SCAF8: variants seen among roughly 807,000 people sequenced by gnomAD.
SCAF8 encodes SR-related CTD associated factor 8.
In SCAF8, 23 loss-of-function variants were observed where a neutral mutation model predicts 140.5. The ratio of observed to expected loss-of-function variants is 0.16; its 90% CI spans 0.12 to 0.23. The LOEUF is 0.23. SCAF8 is among the 10% of genes least tolerant of loss of function. The pLI is 1.00. For missense variants in SCAF8, 1,397 were observed against 1,555.7 expected, an observed-to-expected ratio of 0.90 and a Z score of 1.72; for synonymous variants, 575 against 528.9, an observed-to-expected ratio of 1.09 and a Z score of -1.20.
At chr6:154,817,211 A>C (rs1029438014) in intron 13 of SCAF8, among the ~76,000 whole-genome samples, 1 of 152,206 alleles carries the variant, frequency 6.6e-6, no homozygotes, top group Non-Finnish European at 1.5e-5. Flanking sequence ...GATGTCTTCA[A>C]ATTTTTAGCA....
intron 3 of SCAF8, among the ~76,000 whole-genome samples, chr6:154,778,472 T>C (rs1425497409): frequency 6.6e-6 from 1 of 152,188 alleles, no homozygotes; most frequent in African/African-American, 2.4e-5. Context: ...ATTTAAAATA[T>C]AGTATTGATA....
intron 1 of SCAF8, among the ~76,000 whole-genome samples, chr6:154,742,953 A>ATT (rs35031480): frequency 6.6e-6 from 1 of 151,646 alleles, no homozygotes; most frequent in African/African-American, 2.4e-5. Context: ...CGGCCTAGGG[A>ATT]TTTTTTTTTC....
At chr6:154,778,506 T>A (rs1583026167) in intron 3 of SCAF8, among the ~76,000 whole-genome samples, 1 of 152,198 alleles carries the variant, frequency 6.6e-6, no homozygotes, top group Non-Finnish European at 1.5e-5. Context: ...GGCCCACACC[T>A]GTAATCCCAG....
intron 1 of SCAF8, among the ~76,000 whole-genome samples, chr6:154,737,706 A>G (rs1453463565): frequency 6.6e-6 from 1 of 151,990 alleles, no homozygotes; most frequent in African/African-American, 2.4e-5. Flanking sequence ...AATCAGAAAA[A>G]TTGAGACAGG....
In SCAF8 at chr6:154,764,818, G is replaced by A. The variant is rs1385470233; in HGVS notation, c.31-9171G>A. ...TCATTCTTTTTCAGCGTTTTTCAGC[G>A]TAAAACCATGATTTTTTATCCTGGA... On this transcript the variant is annotated intron_variant, in intron 1 of 19. Coordinates refer to ENST00000367178, the MANE Select transcript of SCAF8 (RefSeq NM_014892.5). 2.6e-5 allele frequency among the ~76,000 whole-genome samples: 4 copies of A among 152,254 alleles called. No individual in the cohort carries two copies. The South Asian group carries it at 6.2e-4, about 24-fold the overall frequency.
chr6:154,739,337 G>C (rs1045202766), intron 1 of SCAF8, among the ~76,000 whole-genome samples: 2 of 151,996 alleles, frequency 1.3e-5, no homozygotes, highest in Admixed American at 6.6e-5. Context: ...AAAAACAAAC[G>C]TAGTTCCTTT....
In SCAF8 at chr6:154,792,956, C is replaced by T; in HGVS notation, c.455C>T (p.Thr152Ile). The change falls in exon 5 of 20, where the codon ACT becomes ATT. Residue 152 changes from threonine to isoleucine, a missense_variant. Physicochemically the swap from Thr to Ile is moderately conservative, Grantham distance 89 (BLOSUM62 -1). Transcript: ENST00000367178. ...ACACCTGTTTTGGCCAGCACTACCA[C>T]TGCTATGAGCAATACTCCAGGTATG... is the stretch of plus-strand genomic sequence containing the variant. ...VVTPVLASTT[T>I]AMSNTPGTPV... 6.2e-7 allele frequency: 1 copy of T among 1,613,130 alleles called. No individual in the cohort carries two copies. Among genetic ancestry groups the T allele is most frequent in the South Asian group, 1.1e-5 (1 of 90,868 alleles).
At chr6:154,824,960 T>TG (rs1356040966) in intron 17 of SCAF8, 1 of 143,554 alleles carries the variant, frequency 7.0e-6, no homozygotes, top group Non-Finnish European at 1.5e-5. Flanking sequence ...GAAAAAAAGG[T>TG]GAAAAAAAAA....
At chr6:154,800,691 A>C (rs1417418406) in intron 6 of SCAF8, among the ~76,000 whole-genome samples, 1 of 151,404 alleles carries the variant, frequency 6.6e-6, no homozygotes, top group African/African-American at 2.4e-5. Context: ...ACTTTCTGAA[A>C]ATACAATAGA....
intron 1 of SCAF8, among the ~76,000 whole-genome samples, chr6:154,769,062 CAAAAAAAAAAAAAA>C: frequency 1.0e-5 from 1 of 96,766 alleles, no homozygotes; most frequent in South Asian, 3.4e-4. Flanking sequence ...GACACTGTCT[CAAAAAAAAAAAAAA>C]AAAAAAAAAA....
intron 16 of SCAF8, among the ~76,000 whole-genome samples, chr6:154,822,944 A>G (rs777774259): frequency 6.6e-6 from 1 of 152,218 alleles, no homozygotes; most frequent in Non-Finnish European, 1.5e-5. Flanking sequence ...ATCCTATGGA[A>G]GGAAAAAAGT....
intron 1 of SCAF8, among the ~76,000 whole-genome samples, chr6:154,766,485 A>G (rs2114832983): frequency 6.6e-6 from 1 of 152,208 alleles, no homozygotes; most frequent in African/African-American, 2.4e-5. Flanking sequence ...CAGATTGTCT[A>G]AAGTAGATTT....
At position 154,808,730 on chromosome 6, in the gene SCAF8, C is replaced by A. The variant is rs1374316233; in HGVS notation, c.1158C>A (p.Val386=). The A allele has an allele frequency of 2.5e-6, 4 of 1,613,682 alleles. No individual in the cohort carries two copies. The highest frequency in any genetic ancestry group is 3.4e-6 in the Non-Finnish European group (4 of 1,179,792). The change falls in exon 11 of 20, where the codon GTC becomes GTA. Residue 386 remains valine (V), a synonymous_variant. Coordinates refer to ENST00000367178, the MANE Select transcript of SCAF8 (RefSeq NM_014892.5). ...GGCAAGATGGAGTGGAAGAGGAGGT[C>A]TTTGAACAAGAAGCTAAGAAAGTGG... ...DEGQDGVEEE[V]FEQEAKKVAV... is the part of the protein sequence containing the mutation.
At chr6:154,813,951 C>T (rs776970114) in intron 12 of SCAF8, among the ~76,000 whole-genome samples, 1 of 152,160 alleles carries the variant, frequency 6.6e-6, no homozygotes, top group Non-Finnish European at 1.5e-5. Flanking sequence ...AGAGGGAATG[C>T]GTACCTGCTG....
intron 1 of SCAF8, among the ~76,000 whole-genome samples, chr6:154,739,070 C>G (rs1250336426): frequency 6.6e-6 from 1 of 152,128 alleles, no homozygotes; most frequent in Non-Finnish European, 1.5e-5. Flanking sequence ...ACTGTAACCT[C>G]GAACTCCTGG....
At chr6:154,776,106 G>A (rs1175999061) in intron 2 of SCAF8, among the ~76,000 whole-genome samples, 2 of 151,678 alleles carry the variant, frequency 1.3e-5, no homozygotes, top group Non-Finnish European at 2.9e-5. Flanking sequence ...ACATTTTAAC[G>A]TTGTTGCATT....
Position 154,832,272 on chromosome 6 carries a change from G to T in SCAF8, c.2693G>T (p.Gly898Val). ...GTTCCAAATACTCCTGGACTTCTGG[G>T]AACACAGCCACCAGCTGGACCTCAA... ...PNVPNTPGLL[G>V]TQPPAGPQNL... Residue 898 changes from glycine (G) to valine (V), a missense_variant, in exon 20 of 20, where the codon GGA becomes GTA. By Grantham distance (109) the Gly-to-Val change is moderately radical. Coordinates refer to ENST00000367178, the MANE Select transcript of SCAF8 (RefSeq NM_014892.5). The T allele has an allele frequency of 3.1e-6, 5 of 1,614,084 alleles. No individual in the cohort carries two copies. Among genetic ancestry groups the T allele is most frequent in the Non-Finnish European group, 4.2e-6 (5 of 1,180,018 alleles).
Position 154,832,204 on chromosome 6 carries a change from T to A in SCAF8, c.2625T>A (p.Asn875Lys), listed in dbSNP as rs199800955. The change falls in exon 20 of 20, where the codon AAT becomes AAA. Residue 875 changes from asparagine (N) to lysine (K), a missense_variant. By Grantham distance (94) the Asn-to-Lys change is moderately conservative (BLOSUM62 0). Coordinates refer to ENST00000367178, the MANE Select transcript of SCAF8 (RefSeq NM_014892.5). Reference protein sequence around the residue: ...SSGLLGVLPPNIPNNSGLVGV... With the variant: ...SSGLLGVLPPKIPNNSGLVGV... ...GACTTTTGGGAGTGCTACCCCCAAA[T>A]ATACCTAACAATTCTGGACTTGTAG... The A allele has an allele frequency of 1.3e-5, 21 of 1,614,106 alleles. No individual in the cohort carries two copies. The highest frequency in any genetic ancestry group is 5.9e-6 in the Non-Finnish European group (7 of 1,180,004).
At chr6:154,824,191 G>A in intron 16 of SCAF8, 43 bp from the exon 17 acceptor site, 2 of 1,599,236 alleles carry the variant, frequency 1.3e-6, no homozygotes, top group South Asian at 1.1e-5. Flanking sequence ...CAAGATGCAG[G>A]TGAATAAACT....
Sources: allele counts gnomAD v4.1 joint callset (sites outside exome capture counted in the v4.1 genomes callset), GRCh38; gene constraint gnomAD v4.1.1; transcripts MANE v1.5; gene names NCBI Gene and HGNC (gene_info 2026-07-23, HGNC 2026-07-21).